Variants in MAP7 observed in about 807,000 individuals in gnomAD.
MAP7 encodes ensconsin.
In MAP7, 52 loss-of-function variants were observed where a neutral mutation model predicts 94.8. The observed-to-expected ratio is 0.55, with a 90% CI of 0.44 to 0.69. The LOEUF (loss-of-function observed/expected upper bound fraction) is 0.69, where lower values mean the gene tolerates loss of function less well. MAP7 is among the 30% of genes least tolerant of loss of function. The pLI, the probability that MAP7 is intolerant of heterozygous loss-of-function variation, is 0.00. For missense variants in MAP7, 940 were observed against 964.6 expected, an observed-to-expected ratio of 0.97 and a Z score of 0.34; for synonymous variants, 350 against 357.0, an observed-to-expected ratio of 0.98 and a Z score of 0.22.
chr6:136,512,429 T>A (rs1363274788), intron 1 of MAP7, among the ~76,000 whole-genome samples: 1 of 152,234 alleles, frequency 6.6e-6, no homozygotes, highest in African/African-American at 2.4e-5. Context: ...AATTGTTGGA[T>A]GTATTCTTCT....
Position 136,345,966 on chromosome 6 carries a change from G to A in MAP7, c.2129C>T (p.Thr710Ile), listed in dbSNP as rs1183837098. 1 of 1,613,776 alleles carries A rather than the reference G, an allele frequency of 6.2e-7. No homozygotes were observed. The highest frequency in any genetic ancestry group is 2.2e-5 in the East Asian group (1 of 44,878). ...IGSKPSRLDVTNSESPEIPLN... is the reference protein window; with the variant it reads ...IGSKPSRLDVINSESPEIPLN... The stretch of plus-strand genomic sequence containing the variant: ...AGGAATTTCTGGGCTCTCACTGTTG[G>A]TGACATCTAATCTGGATGGTTTAGA... Residue 710 changes from threonine (T) to isoleucine (I), a missense_variant, in exon 17 of 18, where the codon ACC becomes ATC. Physicochemically the swap from Thr to Ile is moderately conservative, Grantham distance 89. Coordinates refer to ENST00000354570, the MANE Select transcript of MAP7 (RefSeq NM_003980.6).
At chr6:136,435,453 A>G (rs1315055687) in intron 1 of MAP7, among the ~76,000 whole-genome samples, 7 of 152,350 alleles carry the variant, frequency 4.6e-5, no homozygotes, top group African/African-American at 1.7e-4. Context: ...TCAAATGTGA[A>G]TAGATCTCAT....
intron 1 of MAP7, among the ~76,000 whole-genome samples, chr6:136,466,103 G>A (rs534553973): frequency 1.3e-4 from 20 of 152,198 alleles, no homozygotes; most frequent in African/African-American, 4.8e-4. Context: ...GTGACTCACT[G>A]TTTACATATC....
intron 1 of MAP7, among the ~76,000 whole-genome samples, chr6:136,445,875 TC>T (rs1399600093): frequency 6.6e-6 from 1 of 152,214 alleles, no homozygotes; most frequent in Non-Finnish European, 1.5e-5. Flanking sequence ...AAACTGAGTT[TC>T]TCCTGTCCTC....
At chr6:136,480,680 C>T (rs1283990450) in intron 1 of MAP7, among the ~76,000 whole-genome samples, 3 of 108,950 alleles carry the variant, frequency 2.8e-5, no homozygotes, top group South Asian at 3.1e-4. Flanking sequence ...GAAAAGAAAA[C>T]GTTGGGGAAA....
chr6:136,501,972 G>A (rs1472867229), intron 1 of MAP7, among the ~76,000 whole-genome samples: 1 of 152,300 alleles, frequency 6.6e-6, no homozygotes, highest in East Asian at 1.9e-4. Context: ...CCAGAGCCTG[G>A]CATTCACAGA....
Position 136,362,525 on chromosome 6 carries a change from G to T in MAP7, c.1451C>A (p.Ala484Asp), listed in dbSNP as rs749870698. 6.2e-7 allele frequency: 1 copy of T among 1,614,090 alleles called. No individual in the cohort carries two copies. The highest frequency in any genetic ancestry group is 1.1e-5 in the South Asian group (1 of 91,070). ...CTCTCGGGCCAGCCGCCTCTTCTCA[G>T]CTAGAAGCCTTGTGGCCTCCTCTGG... ...TDPEEATRLL[A>D]EKRRLAREQR... The change falls in exon 11 of 18, where the codon GCT becomes GAT. Residue 484 changes from alanine (A) to aspartate (D), a missense_variant. Ala to Asp is a moderately radical substitution (Grantham distance 126). Transcript: ENST00000354570.
intron 2 of MAP7, among the ~76,000 whole-genome samples, chr6:136,419,686 CAT>C (rs1161067972): frequency 5.9e-5 from 9 of 152,204 alleles, no homozygotes; most frequent in African/African-American, 2.2e-4. Context: ...GAGTGTATCA[CAT>C]GTCATTAAAA....
intron 1 of MAP7, among the ~76,000 whole-genome samples, chr6:136,456,258 A>G (rs1423849473): frequency 6.6e-6 from 1 of 152,240 alleles, no homozygotes; most frequent in African/African-American, 2.4e-5. Context: ...CCTTTCCTAT[A>G]GGGAAATTAT....
At chr6:136,345,227 A>C (rs1036983061) in intron 17 of MAP7, among the ~76,000 whole-genome samples, 5 of 152,212 alleles carry the variant, frequency 3.3e-5, no homozygotes, top group African/African-American at 4.8e-5. Context: ...GTGTGGGTCA[A>C]AGAGACATTG....
At chr6:136,525,798 C>A (rs1489948204) in intron 1 of MAP7, 4 of 1,524,618 alleles carry the variant, frequency 2.6e-6, no homozygotes, top group Non-Finnish European at 3.5e-6. Flanking sequence ...AGGGCTGGAT[C>A]TGGCTCCGAC....
chr6:136,378,706 T>C (rs2128625512), intron 6 of MAP7, among the ~76,000 whole-genome samples: 1 of 152,236 alleles, frequency 6.6e-6, no homozygotes, highest in East Asian at 1.9e-4. Context: ...AGCAAGGCCA[T>C]AGTCAGGACA....
chr6:136,416,102 C>G (rs2128753318), intron 2 of MAP7, among the ~76,000 whole-genome samples: 1 of 152,336 alleles, frequency 6.6e-6, no homozygotes, highest in South Asian at 2.1e-4. Flanking sequence ...TGGGGAGGAA[C>G]AGAGACTTGT....
chr6:136,366,266 G>A, intron 9 of MAP7, 61 bp downstream of exon 9: 12 of 1,307,490 alleles, frequency 9.2e-6, no homozygotes, highest in Non-Finnish European at 1.3e-5. Flanking sequence ...CACTTTCAGA[G>A]GAGAGAGCTA....
intron 1 of MAP7, among the ~76,000 whole-genome samples, chr6:136,447,837 C>A (rs1799811174): frequency 6.6e-6 from 1 of 152,058 alleles, no homozygotes; most frequent in Non-Finnish European, 1.5e-5. Flanking sequence ...TCTCTTTTCC[C>A]AAAAAGCAAG....
At chr6:136,486,846 A>G (rs1328310511) in intron 1 of MAP7, among the ~76,000 whole-genome samples, 1 of 152,240 alleles carries the variant, frequency 6.6e-6, no homozygotes, top group African/African-American at 2.4e-5. Flanking sequence ...CAAAAATTTA[A>G]ATAAACAAAA....
intron 1 of MAP7, among the ~76,000 whole-genome samples, chr6:136,537,376 T>C (rs895140798): frequency 3.3e-5 from 5 of 152,236 alleles, no homozygotes; most frequent in African/African-American, 4.8e-5. Flanking sequence ...TCGAGTCTCA[T>C]AGGTCTTCTA....
chr6:136,498,611 G>T (rs1272130823), intron 1 of MAP7, among the ~76,000 whole-genome samples: 1 of 152,010 alleles, frequency 6.6e-6, no homozygotes, highest in Non-Finnish European at 1.5e-5. Context: ...TGGTTAGAGG[G>T]AGATGAAAGG....
chr6:136,516,410 G>A (rs1418767429), intron 1 of MAP7, among the ~76,000 whole-genome samples: 2 of 151,992 alleles, frequency 1.3e-5, no homozygotes, highest in Non-Finnish European at 2.9e-5. Flanking sequence ...CTCCCACCTT[G>A]GCCTCCCAAA....
Sources: gnomAD v4.1 joint callset for allele counts (sites outside exome capture counted in the v4.1 genomes callset) on GRCh38, gnomAD v4.1.1 for gene constraint, MANE v1.5 for transcripts, NCBI Gene and HGNC (gene_info 2026-07-23, HGNC 2026-07-21) for gene names.